Variants in VAMP4 observed in about 807,000 individuals in gnomAD.
The protein encoded by VAMP4 is vesicle-associated membrane protein 4.
A neutral mutation model predicts 23.5 loss-of-function variants in VAMP4; 19 were observed. The observed-to-expected ratio is 0.81, with a 90% confidence interval of 0.56 to 1.19. VAMP4 has a LOEUF of 1.19. VAMP4 is among the 50% of genes most tolerant of loss of function. The pLI, the probability that VAMP4 is intolerant of heterozygous loss-of-function variation, is 0.00. For synonymous variants in VAMP4, 31 were observed against 51.0 expected, an observed-to-expected ratio of 0.61 and a Z score of 1.67; for missense variants, 145 against 168.6, an observed-to-expected ratio of 0.86 and a Z score of 0.78.
chr1:171,740,119 A>G (rs1274949991), intron 1 of VAMP4, among the ~76,000 whole-genome samples: 3 of 152,248 alleles, frequency 2.0e-5, no homozygotes, highest in Non-Finnish European at 2.9e-5. Flanking sequence ...GGAGAAAACT[A>G]AAGTTTAGTA....
At chr1:171,725,755 A>T (rs1168201859) in intron 3 of VAMP4, among the ~76,000 whole-genome samples, 1 of 150,072 alleles carries the variant, frequency 6.7e-6, no homozygotes, top group Admixed American at 6.7e-5. Flanking sequence ...CAGTGGCGTG[A>T]TCTTGGCTCA....
Position 171,703,539 on chromosome 1 carries a change from T to C in VAMP4, c.*967A>G, listed in dbSNP as rs963427710. The C allele has an allele frequency of 1.3e-5, 2 of 148,260 alleles. No homozygotes were observed. The highest frequency in any genetic ancestry group is 2.5e-5 in the African/African-American group (1 of 40,194). 9.2% of individuals were successfully genotyped at this position (148,260 alleles called of 1,614,324 possible). A position where few individuals can be genotyped will look rare whatever the true frequency, so the allele number is the denominator to read the frequency against. On this transcript the variant is annotated 3_prime_UTR_variant, in exon 8 of 8. Coordinates refer to ENST00000236192, the MANE Select transcript of VAMP4 (RefSeq NM_003762.5). ...GCAAAATTTGATTGTGCAACATACA[T>C]CTCCTCAAGGATGAACAGGAAATGC...
chr1:171,724,237 A>T (rs1655291185), intron 3 of VAMP4, among the ~76,000 whole-genome samples: 1 of 148,696 alleles, frequency 6.7e-6, no homozygotes, highest in African/African-American at 2.5e-5. Context: ...ACAACCAAAC[A>T]CCGCATGTTC....
chr1:171,709,009 A>C (rs937049962), intron 6 of VAMP4, among the ~76,000 whole-genome samples: 1 of 151,874 alleles, frequency 6.6e-6, no homozygotes, highest in Non-Finnish European at 1.5e-5. Flanking sequence ...AAAAAAAAAA[A>C]GATTTGCTCA....
At chr1:171,725,325 G>C (rs1655329083) in intron 3 of VAMP4, among the ~76,000 whole-genome samples, 1 of 152,180 alleles carries the variant, frequency 6.6e-6, no homozygotes, top group Admixed American at 6.5e-5. Context: ...CCTGGGTGTA[G>C]AGGCTTGTGC....
chr1:171,719,146 A>T, intron 4 of VAMP4, 25 bp downstream of exon 4: 1 of 1,604,994 alleles, frequency 6.2e-7, no homozygotes, highest in Non-Finnish European at 8.5e-7. Context: ...TATGATTATC[A>T]TTTAAACAAA....
intron 2 of VAMP4, among the ~76,000 whole-genome samples, chr1:171,731,997 G>T (rs1005958528): frequency 6.6e-6 from 1 of 152,036 alleles, no homozygotes; most frequent in African/African-American, 2.4e-5. Context: ...CAGAAGCTGC[G>T]CAAATTATGA....
At chr1:171,740,037 G>A (rs1053238166) in intron 1 of VAMP4, among the ~76,000 whole-genome samples, 1 of 152,148 alleles carries the variant, frequency 6.6e-6, no homozygotes, top group Admixed American at 6.5e-5. Flanking sequence ...TGCTAGGCAC[G>A]GTGCTCAGTG....
At chr1:171,721,276 C>G (rs1655186767) in intron 3 of VAMP4, among the ~76,000 whole-genome samples, 1 of 152,112 alleles carries the variant, frequency 6.6e-6, no homozygotes, top group Non-Finnish European at 1.5e-5. Context: ...CTCACCACCT[C>G]TACTCAATAT....
At chr1:171,716,381 CCAT>C (rs1655022331) in intron 4 of VAMP4, among the ~76,000 whole-genome samples, 1 of 152,178 alleles carries the variant, frequency 6.6e-6, no homozygotes. Context: ...AATGCTGACT[CCAT>C]TCCTTTGGAG....
intron 3 of VAMP4, among the ~76,000 whole-genome samples, chr1:171,723,857 A>T (rs1655278059): frequency 6.6e-6 from 1 of 152,178 alleles, no homozygotes; most frequent in Non-Finnish European, 1.5e-5. Context: ...TGCAATAAAG[A>T]CAGGTGTAAG....
chr1:171,710,221 A>T (rs1032683207), intron 5 of VAMP4, among the ~76,000 whole-genome samples: 4 of 142,708 alleles, frequency 2.8e-5, no homozygotes, highest in Non-Finnish European at 6.1e-5. Flanking sequence ...GTCAAAGATT[A>T]ATCAGGTATT....
At chr1:171,740,910 T>C (rs564854116) in intron 1 of VAMP4, among the ~76,000 whole-genome samples, 82 of 152,358 alleles carry the variant, frequency 5.4e-4, no homozygotes, top group Non-Finnish European at 7.5e-4. Context: ...GCAGATTAAT[T>C]AGCTACCTTG....
intron 3 of VAMP4, 29 bp from the exon 4 acceptor site, chr1:171,719,250 TTAG>T: frequency 6.3e-7 from 1 of 1,584,740 alleles, no homozygotes; most frequent in Non-Finnish European, 8.6e-7. Context: ...CAAGTACATA[TTAG>T]TAGTGACAGG....
intron 2 of VAMP4, 88 bp downstream of exon 2, chr1:171,738,260 GC>G: frequency 6.8e-7 from 1 of 1,476,448 alleles, no homozygotes; most frequent in Non-Finnish European, 9.3e-7. Context: ...GAGCAACCAC[GC>G]CCGGATGGTT....
At chr1:171,712,904 T>G (rs1364630542) in intron 4 of VAMP4, among the ~76,000 whole-genome samples, 1 of 152,236 alleles carries the variant, frequency 6.6e-6, no homozygotes, top group Non-Finnish European at 1.5e-5. Context: ...ATTAACCTTA[T>G]AGCTGTGAAA....
intron 2 of VAMP4, among the ~76,000 whole-genome samples, chr1:171,736,428 G>A (rs779172932): frequency 1.1e-4 from 16 of 152,050 alleles, no homozygotes; most frequent in Non-Finnish European, 2.2e-4. Flanking sequence ...CTTGCATGGG[G>A]AACTAGCTCA....
chr1:171,719,310 C>A (rs1655116419), intron 3 of VAMP4, 89 bp from the exon 4 acceptor site: 1 of 1,125,160 alleles, frequency 8.9e-7, no homozygotes, highest in Non-Finnish European at 1.3e-6. Flanking sequence ...CAAATACAAA[C>A]AATCAAGCTG....
In VAMP4 at chr1:171,703,167, G is replaced by A. The variant is rs572502301; in HGVS notation, c.*1339C>T. 6.6e-6 allele frequency: 1 copy of A among 150,978 alleles called. No homozygotes were observed. Among genetic ancestry groups the A allele is most frequent in the Admixed American group, 6.6e-5 (1 of 15,132 alleles). The allele number at this position is 150,978 out of a possible 1,614,324, so 9.4% of individuals were successfully genotyped here. The stretch of plus-strand genomic sequence containing the variant: ...ATTTAGGGAGTTTTATATTCATATT[G>A]TCAAGATATCCAGTGCACAAGTTTC... On this transcript the variant is annotated 3_prime_UTR_variant, in exon 8 of 8. Transcript: ENST00000236192.
Sources: gnomAD v4.1 joint callset for allele counts (sites outside exome capture counted in the v4.1 genomes callset) on GRCh38, gnomAD v4.1.1 for gene constraint, MANE v1.5 for transcripts, NCBI Gene and HGNC (gene_info 2026-07-23, HGNC 2026-07-21) for gene names.